The following ST14 variants were observed in gnomAD, a reference collection of about 807,000 sequenced individuals.
The protein encoded by ST14 is ST14 transmembrane serine protease matriptase.
Under a neutral mutation model 96.5 loss-of-function variants are expected in ST14, and 40 were observed. The observed-to-expected ratio is 0.41, with a 90% confidence interval of 0.32 to 0.54. The LOEUF (loss-of-function observed/expected upper bound fraction) is 0.54. Among genes scored for constraint, ST14 ranks in the 20% least tolerant of loss-of-function variants. ST14 has a pLI of 0.17. For synonymous variants in ST14, 506 were observed against 492.1 expected, an observed-to-expected ratio of 1.03 and a Z score of -0.37; for missense variants, 1,066 against 1,188.9, an observed-to-expected ratio of 0.90 and a Z score of 1.52.
rs930731788 is a variant in ST14, at chr11:130,210,153, C to T, written c.*330C>T. 4.8e-5 allele frequency: 13 copies of T among 270,766 alleles called. No homozygotes were observed. The highest frequency in any genetic ancestry group is 2.8e-4 in the African/African-American group (13 of 45,764). The allele number at this position is 270,766 out of a possible 1,614,324, so 16.8% of individuals were successfully genotyped here. A position where few individuals can be genotyped will look rare whatever the true frequency, so the allele number is the denominator to read the frequency against. On this transcript the variant is annotated 3_prime_UTR_variant, in exon 19 of 19. Transcript: ENST00000278742. ...TGCCTCCCCTGTCTCTAAGGAGCAGCGGGAACGGAGCTTCGGGGCCTCCTC... is the reference window on the plus strand; with the variant it reads ...TGCCTCCCCTGTCTCTAAGGAGCAGTGGGAACGGAGCTTCGGGGCCTCCTC...
At chr11:130,197,532 G>T (rs754144833) in intron 11 of ST14, among the ~76,000 whole-genome samples, 28 of 152,254 alleles carry the variant, frequency 1.8e-4, no homozygotes, top group Non-Finnish European at 3.5e-4. Flanking sequence ...GCAGGGCAGG[G>T]CAGGGCCTGC....
intron 7 of ST14, among the ~76,000 whole-genome samples, chr11:130,191,505 C>A (rs553924657): frequency 5.9e-5 from 9 of 151,592 alleles, no homozygotes; most frequent in African/African-American, 1.2e-4. Flanking sequence ...GTCAAGCCAA[C>A]CTGGTGAAAC....
chr11:130,192,839 T>C (rs765705305), intron 7 of ST14, among the ~76,000 whole-genome samples: 3 of 152,126 alleles, frequency 2.0e-5, no homozygotes, highest in African/African-American at 7.2e-5. Context: ...TCTCTCAGGG[T>C]TTTTATAAGG....
At chr11:130,198,662 C>A in intron 14 of ST14, 41 bp downstream of exon 14, 1 of 1,573,410 alleles carries the variant, frequency 6.4e-7, no homozygotes, top group Non-Finnish European at 8.7e-7. Flanking sequence ...GGGGCCTCGC[C>A]CCTGGAGGAG....
At chr11:130,202,470 C>T (rs1280118260) in intron 16 of ST14, among the ~76,000 whole-genome samples, 6 of 152,090 alleles carry the variant, frequency 3.9e-5, no homozygotes, top group African/African-American at 1.4e-4. Context: ...AATTCTAAAC[C>T]CATATGCCTG....
At chr11:130,195,871 A>C in intron 9 of ST14, among the ~76,000 whole-genome samples, 1 of 138,904 alleles carries the variant, frequency 7.2e-6, no homozygotes, top group South Asian at 2.3e-4. Context: ...AAAAAAAGAA[A>C]AGAGGCTGGG....
At chr11:130,199,332 G>A (rs1293149800) in intron 15 of ST14, among the ~76,000 whole-genome samples, 3 of 152,232 alleles carry the variant, frequency 2.0e-5, no homozygotes, top group Admixed American at 6.5e-5. Flanking sequence ...TGGCTGCAGT[G>A]CGTTGCTGGC....
At chr11:130,162,160 G>T (rs565102326) in intron 1 of ST14, among the ~76,000 whole-genome samples, 16 of 152,178 alleles carry the variant, frequency 1.1e-4, no homozygotes, top group Admixed American at 1.0e-3. Flanking sequence ...GTGCACCCTT[G>T]TTTGGTGGTA....
intron 6 of ST14, 63 bp from the exon 7 acceptor site, chr11:130,190,391 G>T (rs1953284522): frequency 1.9e-6 from 3 of 1,597,948 alleles, no homozygotes; most frequent in African/African-American, 2.7e-5. Flanking sequence ...GGGTCTCAGG[G>T]TCCTCCCCCA....
In ST14 at chr11:130,181,210, G is replaced by A. The variant is rs557133598; in HGVS notation, c.82-6904G>A. Among the ~76,000 whole-genome samples the A allele has an allele frequency of 3.0e-4, 45 of 152,148 alleles. No individual in the cohort carries two copies. Among genetic ancestry groups the A allele is most frequent in the Middle Eastern group, 3.4e-3 (1 of 294 alleles). On this transcript the variant is annotated intron_variant, in intron 1 of 18. Coordinates refer to ENST00000278742, the MANE Select transcript of ST14 (RefSeq NM_021978.4). This position sits in a 1 kb window ranked among gnomAD's most constrained non-coding sequence, Gnocchi z 4.1. ...CTGGGTGGGATGGTGGTCTGATCTC[G>A]CCCCTGCTGGGTGAGATAGTGGTGG...
rs1953284137 is a variant in ST14, at chr11:130,190,350, G to A, written c.635-104G>A. On this transcript the variant is annotated intron_variant, in intron 6 of 18. Coordinates refer to ENST00000278742, the MANE Select transcript of ST14 (RefSeq NM_021978.4). ...GGCCCAGGGCAGCCTGGGGCGTCTC[G>A]AAGGGGCGAGGCCTGAGGTCCACAC... The A allele has an allele frequency of 9.6e-6, 15 of 1,568,776 alleles. No individual in the cohort carries two copies. In the Middle Eastern group the frequency reaches 5.4e-4, roughly 56 times the overall value.
chr11:130,190,449 C>T lies in ST14; in HGVS notation c.635-5C>T, dbSNP rs199819888. The T allele has an allele frequency of 5.4e-4, 871 of 1,606,086 alleles. 2 individuals carry two copies. Among genetic ancestry groups the T allele is most frequent in the East Asian group, 2.3e-3 (103 of 44,870 alleles). Reference sequence around the variant, plus strand: ...CACGTGCCCTCCTTCTTGTCTCCTGCGCAGACAGCTGCAGCTTTGGCCTGC... The same window carrying T: ...CACGTGCCCTCCTTCTTGTCTCCTGTGCAGACAGCTGCAGCTTTGGCCTGC... On this transcript the variant is annotated splice_region_variant and splice_polypyrimidine_tract_variant and intron_variant, in intron 6 of 18. Coordinates refer to ENST00000278742, the MANE Select transcript of ST14 (RefSeq NM_021978.4).
At chr11:130,167,491 C>T (rs1274861362) in intron 1 of ST14, among the ~76,000 whole-genome samples, 2 of 152,162 alleles carry the variant, frequency 1.3e-5, no homozygotes, top group African/African-American at 4.8e-5. Context: ...CACCTATTCT[C>T]CTCCAAATGG....
intron 1 of ST14, among the ~76,000 whole-genome samples, chr11:130,179,819 T>C (rs1953174017): frequency 6.6e-6 from 1 of 152,230 alleles, no homozygotes. Context: ...TGAGCCGTGC[T>C]GGGTTTCCGG....
intron 1 of ST14, among the ~76,000 whole-genome samples, chr11:130,172,487 G>A (rs911239053): frequency 2.0e-5 from 3 of 147,100 alleles, no homozygotes; most frequent in African/African-American, 7.6e-5. Context: ...GTGCGATCTC[G>A]GCTCACTGCA....
chr11:130,201,463 A>T (rs1953427503), intron 16 of ST14, among the ~76,000 whole-genome samples: 1 of 152,246 alleles, frequency 6.6e-6, no homozygotes, highest in Non-Finnish European at 1.5e-5. Context: ...TGAGGCACAG[A>T]TGGAGTGTGC....
intron 5 of ST14, 38 bp from the exon 6 acceptor site, chr11:130,190,075 G>A: frequency 6.2e-7 from 1 of 1,614,036 alleles, no homozygotes; most frequent in East Asian, 2.2e-5. Flanking sequence ...GAAATGGATT[G>A]TATCAGGAAA....
chr11:130,194,605 C>A (rs1019561305), intron 8 of ST14, 35 bp from the exon 9 acceptor site: 2 of 1,610,430 alleles, frequency 1.2e-6, no homozygotes, highest in African/African-American at 2.7e-5. Context: ...GGGCAGGTTC[C>A]TGATCCTCTT....
chr11:130,196,412 C>G lies in ST14; in HGVS notation c.1187C>G (p.Thr396Ser), dbSNP rs1252119967. The G allele has an allele frequency of 1.2e-6, 2 of 1,610,612 alleles. No individual in the cohort carries two copies. The highest frequency in any genetic ancestry group is 1.7e-5 in the Admixed American group (1 of 59,524). Reference protein sequence around the residue: ...YLLEPGVPAGTCPKDYVEING... With the variant: ...YLLEPGVPAGSCPKDYVEING... ...CTGGAGCCCGGCGTGCCTGCGGGCA[C>G]CTGCCCCAAGGACTACGTGGAGATC... The change falls in exon 10 of 19, where the codon ACC becomes AGC. Residue 396 changes from threonine to serine, a missense_variant. By Grantham distance (58) the Thr-to-Ser change is moderately conservative. Coordinates refer to ENST00000278742, the MANE Select transcript of ST14 (RefSeq NM_021978.4).
Sources: gnomAD v4.1 joint callset for allele counts (sites outside exome capture counted in the v4.1 genomes callset) on GRCh38, gnomAD v4.1.1 for gene constraint, Gnocchi (gnomAD v3.1) non-coding constraint, MANE v1.5 for transcripts, NCBI Gene and HGNC (gene_info 2026-07-23, HGNC 2026-07-21) for gene names.